Variants in CTNNA3 observed in about 807,000 individuals in gnomAD.
The protein encoded by CTNNA3 is catenin alpha-3.
CTNNA3 carries 76 observed loss-of-function variants against 95.7 expected under a neutral mutation model. The ratio of observed to expected loss-of-function variants is 0.79; its 90% CI spans 0.66 to 0.96. The LOEUF is 0.96. Among genes scored for constraint, CTNNA3 ranks in the 40% least tolerant of loss-of-function variants. The pLI, the probability that CTNNA3 is intolerant of heterozygous loss-of-function variation, is 0.00. For missense variants in CTNNA3, 1,191 were observed against 1,089.8 expected, an observed-to-expected ratio of 1.09 and a Z score of -1.31; for synonymous variants, 431 against 374.4, an observed-to-expected ratio of 1.15 and a Z score of -1.74.
chr10:67,226,663 C>A (rs906145424), intron 5 of CTNNA3, among the ~76,000 whole-genome samples: 1 of 152,148 alleles, frequency 6.6e-6, no homozygotes, highest in African/African-American at 2.4e-5. Context: ...CTTTTTCAGA[C>A]AAACAAATGC....
intron 7 of CTNNA3, among the ~76,000 whole-genome samples, chr10:67,066,527 G>C (rs1394314976): frequency 8.4e-6 from 1 of 119,720 alleles, no homozygotes. Flanking sequence ...TAGTCATGCA[G>C]TTCTTGACAA....
chr10:66,690,299 A>C (rs2132533519), intron 9 of CTNNA3, among the ~76,000 whole-genome samples: 1 of 152,214 alleles, frequency 6.6e-6, no homozygotes, highest in South Asian at 2.1e-4. Flanking sequence ...CATTATTTTT[A>C]TATGTCACGT....
At chr10:67,272,266 T>G (rs2132420836) in intron 5 of CTNNA3, among the ~76,000 whole-genome samples, 1 of 152,254 alleles carries the variant, frequency 6.6e-6, no homozygotes, top group East Asian at 1.9e-4. Context: ...TAAATGTCCA[T>G]TAAGGCTGGG....
At chr10:66,364,206 A>T (rs536382782) in intron 12 of CTNNA3, among the ~76,000 whole-genome samples, 25 of 151,076 alleles carry the variant, frequency 1.7e-4, no homozygotes, top group African/African-American at 4.8e-4. Context: ...ATTAATTTCA[A>T]CCATTAGAAC....
At chr10:67,414,174 T>C (rs1008524188) in intron 5 of CTNNA3, among the ~76,000 whole-genome samples, 2 of 151,922 alleles carry the variant, frequency 1.3e-5, no homozygotes, top group African/African-American at 4.8e-5. Context: ...CTAAGACTGG[T>C]AGAATCCCTA....
Position 65,965,564 on chromosome 10 carries a change from C to T in CTNNA3, c.2400+1048G>A, listed in dbSNP as rs572809696. On this transcript the variant is annotated intron_variant, in intron 17 of 17. Transcript: ENST00000433211. Reference sequence around the variant, plus strand: ...AGATTACAGGCATGCGCCACCACACCCAGCTAATTTTTGTATTTTTAGTAG... The same window carrying T: ...AGATTACAGGCATGCGCCACCACACTCAGCTAATTTTTGTATTTTTAGTAG... Among the ~76,000 whole-genome samples, 25 of 151,972 alleles carry T rather than the reference C, an allele frequency of 1.6e-4. No individual in the cohort carries two copies. In the East Asian group the frequency reaches 4.6e-3, roughly 28 times the overall value.
intron 5 of CTNNA3, among the ~76,000 whole-genome samples, chr10:67,452,636 A>C (rs2132966850): frequency 6.6e-6 from 1 of 152,340 alleles, no homozygotes; most frequent in African/African-American, 2.4e-5. Flanking sequence ...AGAGTGCTTA[A>C]GGCAGAAAAA....
chr10:67,565,712 C>A lies in CTNNA3; in HGVS notation c.293-26043G>T, dbSNP rs570734076. ...AAGGACAAAAAATAACAGATGTTGGCGAGGATGTGGAGAAAAGAAAACCCT... is the reference window on the plus strand; with the variant it reads ...AAGGACAAAAAATAACAGATGTTGGAGAGGATGTGGAGAAAAGAAAACCCT... On this transcript the variant is annotated intron_variant, in intron 3 of 17. Coordinates refer to ENST00000433211, the MANE Select transcript of CTNNA3 (RefSeq NM_013266.4). Among the ~76,000 whole-genome samples the A allele has an allele frequency of 5.3e-5, 8 of 149,774 alleles. No homozygotes were observed. The South Asian group carries it at 1.7e-3, about 32-fold the overall frequency.
At chr10:67,690,524 C>A (rs892492524) in intron 1 of CTNNA3, among the ~76,000 whole-genome samples, 2 of 152,028 alleles carry the variant, frequency 1.3e-5, no homozygotes, top group Non-Finnish European at 2.9e-5. Context: ...TTTACAGAGT[C>A]CTGATTGGTG....
intron 7 of CTNNA3, among the ~76,000 whole-genome samples, chr10:67,067,014 G>A (rs1196630030): frequency 6.6e-6 from 1 of 152,116 alleles, no homozygotes; most frequent in Non-Finnish European, 1.5e-5. Context: ...GCAATTATGT[G>A]TCAATTCAGA....
At chr10:67,715,624 G>A (rs1317825962) in intron 1 of CTNNA3, among the ~76,000 whole-genome samples, 1 of 152,098 alleles carries the variant, frequency 6.6e-6, no homozygotes, top group African/African-American at 2.4e-5. Flanking sequence ...TATTTCAGGT[G>A]GTTCATCTGG....
intron 17 of CTNNA3, among the ~76,000 whole-genome samples, chr10:65,954,288 C>A (rs1472914757): frequency 2.0e-5 from 3 of 152,120 alleles, no homozygotes; most frequent in Non-Finnish European, 2.9e-5. Flanking sequence ...GGATATTAGA[C>A]CTTTGTCAGA....
intron 7 of CTNNA3, among the ~76,000 whole-genome samples, chr10:67,069,837 T>G (rs1285709758): frequency 6.6e-6 from 1 of 152,176 alleles, no homozygotes; most frequent in Admixed American, 6.5e-5. Flanking sequence ...TGATGAGCAT[T>G]TCTGTTTTGG....
chr10:67,002,322 C>G (rs938862110), intron 7 of CTNNA3, among the ~76,000 whole-genome samples: 2 of 152,138 alleles, frequency 1.3e-5, no homozygotes, highest in Non-Finnish European at 2.9e-5. Context: ...CAAATAACTA[C>G]TAATTCTCAG....
At chr10:67,023,696 C>T (rs1477919390) in intron 7 of CTNNA3, among the ~76,000 whole-genome samples, 2 of 152,108 alleles carry the variant, frequency 1.3e-5, no homozygotes, top group African/African-American at 4.8e-5. Context: ...CGATCTATTT[C>T]AGAACTACTA....
chr10:67,183,316 T>G (rs978564648), intron 6 of CTNNA3, among the ~76,000 whole-genome samples: 1 of 152,116 alleles, frequency 6.6e-6, no homozygotes, highest in Non-Finnish European at 1.5e-5. Context: ...TAGACTGGAT[T>G]AAGAAAATGT....
At chr10:67,233,708 T>G (rs1350165678) in intron 5 of CTNNA3, among the ~76,000 whole-genome samples, 1 of 149,482 alleles carries the variant, frequency 6.7e-6, no homozygotes, top group South Asian at 2.1e-4. Context: ...CTTCAAAAAA[T>G]TAATGAATCC....
At chr10:67,550,673 A>G (rs1349584958) in intron 3 of CTNNA3, among the ~76,000 whole-genome samples, 1 of 138,858 alleles carries the variant, frequency 7.2e-6, no homozygotes, top group Non-Finnish European at 1.5e-5. Flanking sequence ...AAATTTCTTT[A>G]CCGTAGAATA....
chr10:66,390,887 C>T (rs942702398), intron 11 of CTNNA3, among the ~76,000 whole-genome samples: 1 of 152,130 alleles, frequency 6.6e-6, no homozygotes, highest in Non-Finnish European at 1.5e-5. Flanking sequence ...CCTTCTTCCT[C>T]TTTACCTCCT....
Sources: gnomAD v4.1 joint callset for allele counts (sites outside exome capture counted in the v4.1 genomes callset) on GRCh38, gnomAD v4.1.1 for gene constraint, MANE v1.5 for transcripts, NCBI Gene and HGNC (gene_info 2026-07-23, HGNC 2026-07-21) for gene names.